The following TP63 variants were observed in gnomAD, a reference collection of about 807,000 sequenced individuals.
TP63 encodes the protein tumor protein p63.
A neutral mutation model predicts 82.8 loss-of-function variants in TP63; 17 were observed. The ratio of observed to expected loss-of-function variants is 0.21; its 90% CI spans 0.14 to 0.31. TP63 has a LOEUF of 0.31. Among genes scored for constraint, TP63 ranks in the 10% least tolerant of loss-of-function variants. TP63 has a pLI of 1.00. For synonymous variants in TP63, 330 were observed against 321.7 expected, an observed-to-expected ratio of 1.03 and a Z score of -0.28; for missense variants, 648 against 895.3, an observed-to-expected ratio of 0.72 and a Z score of 3.52.
intron 1 of TP63, among the ~76,000 whole-genome samples, chr3:189,642,546 A>AT (rs539201911): frequency 0.044 from 6,518 of 149,792 alleles, 149 homozygotes; most frequent in Middle Eastern, 0.055. Context: ...CTATATGTCT[A>AT]TTTTTTTTTT....
chr3:189,848,322 C>A (rs1351589056), intron 4 of TP63, among the ~76,000 whole-genome samples: 2 of 147,292 alleles, frequency 1.4e-5, no homozygotes, highest in Non-Finnish European at 3.0e-5. Context: ...GTAACCTCAA[C>A]CTGCTGCACT....
rs368622713 is a variant in TP63, at chr3:189,863,004, A to G, written c.580-1228A>G. Among the ~76,000 whole-genome samples, 90 of 152,384 alleles carry G rather than the reference A, an allele frequency of 5.9e-4. 2 individuals carry two copies. The South Asian group carries it at 0.018, about 30-fold the overall frequency. On this transcript the variant is annotated intron_variant, in intron 4 of 13. Transcript: ENST00000264731. ...GTCATTTAAACAAATACTATATTTT[A>G]AAATGAAGAAATAAAGCAACATTTT...
At chr3:189,856,729 C>G (rs1716338689) in intron 4 of TP63, among the ~76,000 whole-genome samples, 1 of 151,798 alleles carries the variant, frequency 6.6e-6, no homozygotes, top group Non-Finnish European at 1.5e-5. Flanking sequence ...GTATAAAACG[C>G]ATTAGAAACA....
At chr3:189,704,691 A>C (rs1718070330) in intron 1 of TP63, among the ~76,000 whole-genome samples, 1 of 152,368 alleles carries the variant, frequency 6.6e-6, no homozygotes, top group South Asian at 2.1e-4. Context: ...ATAGGCTCTC[A>C]ATAAATATTC....
the TP63 span, among the ~76,000 whole-genome samples, chr3:189,600,724 T>C: frequency 6.6e-6 from 1 of 152,224 alleles, no homozygotes; most frequent in Non-Finnish European, 1.5e-5. Context: ...CAGTACTCTA[T>C]TAATTGAATA....
chr3:189,685,804 G>T (rs1193588521), intron 1 of TP63, among the ~76,000 whole-genome samples: 1 of 152,124 alleles, frequency 6.6e-6, no homozygotes, highest in Non-Finnish European at 1.5e-5. Context: ...CAGACATGTA[G>T]GATGTGAATC....
intron 1 of TP63, among the ~76,000 whole-genome samples, chr3:189,665,145 A>C (rs1714271617): frequency 6.6e-6 from 1 of 152,142 alleles, no homozygotes; most frequent in Non-Finnish European, 1.5e-5. Flanking sequence ...ACGACTCCTT[A>C]TGAGAGTGTA....
At position 189,874,604 on chromosome 3, in the gene TP63, C is replaced by T. The variant is rs531304514; in HGVS notation, c.1349+1609C>T. Among the ~76,000 whole-genome samples the T allele has an allele frequency of 6.6e-5, 10 of 152,142 alleles. No homozygotes were observed. The South Asian group carries it at 2.1e-3, about 32-fold the overall frequency. On this transcript the variant is annotated intron_variant, in intron 10 of 13. Coordinates refer to ENST00000264731, the MANE Select transcript of TP63 (RefSeq NM_003722.5). Reference sequence around the variant, plus strand: ...TTAATGGTATGGTTTTATTTGTAAGCCTGAGCAGAAAGTTTAATCACACAG... The same window carrying T: ...TTAATGGTATGGTTTTATTTGTAAGTCTGAGCAGAAAGTTTAATCACACAG...
intron 1 of TP63, among the ~76,000 whole-genome samples, chr3:189,672,340 C>T (rs1350538627): frequency 2.6e-5 from 4 of 152,142 alleles, no homozygotes; most frequent in African/African-American, 7.2e-5. Context: ...GTGGCTGCCA[C>T]CTGTAATCCC....
intron 4 of TP63, among the ~76,000 whole-genome samples, chr3:189,854,791 C>G (rs943687989): frequency 2.0e-5 from 3 of 152,208 alleles, no homozygotes; most frequent in East Asian, 1.9e-4. Context: ...AGGGGAACAT[C>G]GTTTTAAATA....
intron 3 of TP63, among the ~76,000 whole-genome samples, chr3:189,777,845 CTTTTTTTTTTTTTT>C (rs55731981): frequency 5.3e-5 from 2 of 37,752 alleles, no homozygotes; most frequent in Admixed American, 4.1e-4. Context: ...TCTTCTTCTT[CTTTTTTTTTTTTTT>C]TTTTTTTTTT....
At chr3:189,743,471 T>A (rs1197336130) in intron 3 of TP63, among the ~76,000 whole-genome samples, 1 of 151,788 alleles carries the variant, frequency 6.6e-6, no homozygotes, top group Non-Finnish European at 1.5e-5. Flanking sequence ...TCCACAAAAC[T>A]ATTCAAATAT....
intron 1 of TP63, among the ~76,000 whole-genome samples, chr3:189,686,369 A>C (rs1716438953): frequency 6.6e-6 from 1 of 152,188 alleles, no homozygotes; most frequent in Admixed American, 6.5e-5. Context: ...GAATGGCTGG[A>C]AACAGAGCTC....
In TP63 at chr3:189,845,600, A is replaced by G. The variant is rs925992279; in HGVS notation, c.580-18632A>G. Among the ~76,000 whole-genome samples, 5 of 151,680 alleles carry G rather than the reference A, an allele frequency of 3.3e-5. No individual in the cohort carries two copies. The East Asian group carries it at 9.7e-4, about 29-fold the overall frequency. ...AAGCCAGGCATAAAGTGAGACTAAT[A>G]TGTTCGTTGGTGTATTTAAGCCTTT... is the stretch of plus-strand genomic sequence containing the variant. On this transcript the variant is annotated intron_variant, in intron 4 of 13. Transcript: ENST00000264731.
intron 1 of TP63, among the ~76,000 whole-genome samples, chr3:189,643,095 G>T (rs1237291894): frequency 6.6e-6 from 1 of 151,892 alleles, no homozygotes; most frequent in African/African-American, 2.4e-5. Context: ...TCTGCCTCCC[G>T]GGTTCAGGCA....
chr3:189,688,595 G>A (rs1716633131), intron 1 of TP63, among the ~76,000 whole-genome samples: 1 of 152,142 alleles, frequency 6.6e-6, no homozygotes, highest in Non-Finnish European at 1.5e-5. Context: ...CCTTTTGCTA[G>A]TAAAGATGTG....
chr3:189,872,332 C>T (rs1322530119), intron 9 of TP63, among the ~76,000 whole-genome samples: 1 of 151,280 alleles, frequency 6.6e-6, no homozygotes, highest in Non-Finnish European at 1.5e-5. Flanking sequence ...TAATATATAC[C>T]GTTGACTCAT....
At chr3:189,600,236 G>C in the TP63 span, among the ~76,000 whole-genome samples, 1 of 152,174 alleles carries the variant, frequency 6.6e-6, no homozygotes, top group African/African-American at 2.4e-5. Flanking sequence ...TGGATCAATA[G>C]AAATGGATCA....
At chr3:189,621,505 A>G in the TP63 span, among the ~76,000 whole-genome samples, 3 of 151,870 alleles carry the variant, frequency 2.0e-5, no homozygotes, top group African/African-American at 7.2e-5. Flanking sequence ...ATGTTACACT[A>G]TAGTATATTT....
Sources: gnomAD v4.1 joint callset for allele counts (sites outside exome capture counted in the v4.1 genomes callset) on GRCh38, gnomAD v4.1.1 for gene constraint, MANE v1.5 for transcripts, NCBI Gene and HGNC (gene_info 2026-07-23, HGNC 2026-07-21) for gene names.